The following ACADL variants were observed in gnomAD, a reference collection of about 807,000 sequenced individuals.
The protein encoded by ACADL is acyl-CoA dehydrogenase long chain, also known as long-chain specific acyl-CoA dehydrogenase, mitochondrial.
Under a neutral mutation model 56.9 loss-of-function variants are expected in ACADL, and 60 were observed. That is an observed-to-expected ratio of 1.05 (90% CI 0.86 to 1.31). ACADL has a LOEUF of 1.31. Among genes scored for constraint, ACADL ranks in the 50% most tolerant of loss-of-function variants. The pLI is 0.00. For synonymous variants in ACADL, 158 were observed against 179.7 expected (o/e 0.88, Z 0.97); for missense variants, 484 against 525.5 (o/e 0.92, Z 0.77).
chr2:210,225,282 G>C lies in ACADL; in HGVS notation c.-19C>G. ...CGGCCATGTCCGAAACACAGGGGCG[G>C]CGGGGCGACGGAGGCGACTCTGCGG... is the stretch of plus-strand genomic sequence containing the variant. On this transcript the variant is annotated 5_prime_UTR_variant, in exon 1 of 11. Coordinates refer to ENST00000233710, the MANE Select transcript of ACADL (RefSeq NM_001608.4). The C allele has an allele frequency of 6.5e-7, 1 of 1,548,024 alleles. No homozygotes were observed. Among genetic ancestry groups the C allele is most frequent in the Non-Finnish European group, 8.7e-7 (1 of 1,152,664 alleles).
At chr2:210,221,254 G>A (rs1211328394) in intron 1 of ACADL, among the ~76,000 whole-genome samples, 3 of 152,108 alleles carry the variant, frequency 2.0e-5, no homozygotes, top group East Asian at 1.9e-4. Flanking sequence ...CAAATTGCAG[G>A]TGTATAAGAT....
chr2:210,224,305 GA>G (rs2125720845), intron 1 of ACADL: 1 of 693,798 alleles, frequency 1.4e-6, no homozygotes, highest in East Asian at 1.4e-4. Context: ...GTATCCTAAA[GA>G]AAAGTCACCT....
At chr2:210,193,527 C>T (rs1363859001) in intron 9 of ACADL, among the ~76,000 whole-genome samples, 2 of 152,034 alleles carry the variant, frequency 1.3e-5, no homozygotes, top group Non-Finnish European at 2.9e-5. Context: ...CATAAACATG[C>T]AGTGCTTGAG....
rs1053862415 is a variant in ACADL at position 210,188,193 on chromosome 2, C to T, written c.*768G>A. ...AAAGTAATTATTAAGTTAATAAATA[C>T]ATTAACTGTTGCAAAAGAAAAGCCA... On this transcript the variant is annotated 3_prime_UTR_variant, in exon 11 of 11. Coordinates refer to ENST00000233710, the MANE Select transcript of ACADL (RefSeq NM_001608.4). 5 of 152,172 alleles carry T rather than the reference C, an allele frequency of 3.3e-5. No homozygotes were observed. Among genetic ancestry groups the T allele is most frequent in the African/African-American group, 1.2e-4 (5 of 41,438 alleles). 9.4% of individuals were successfully genotyped at this position (152,172 alleles called of 1,614,324 possible). A position where few individuals can be genotyped will look rare whatever the true frequency, so the allele number is the denominator to read the frequency against.
Position 210,188,304 on chromosome 2 carries a change from G to C in ACADL, c.*657C>G, listed in dbSNP as rs1030017396. On this transcript the variant is annotated 3_prime_UTR_variant, in exon 11 of 11. Transcript: ENST00000233710. ...TGTTCTCAGATGTCAGCAATTGACA[G>C]AACCAAGGCATTCCCTGGTCAGGGT... The C allele has an allele frequency of 2.0e-5, 3 of 152,354 alleles. No individual in the cohort carries two copies. Among genetic ancestry groups the C allele is most frequent in the African/African-American group, 7.2e-5 (3 of 41,470 alleles). The allele number at this position is 152,354 out of a possible 1,614,324, so 9.4% of individuals were successfully genotyped here. A position where few individuals can be genotyped will look rare whatever the true frequency, so the allele number is the denominator to read the frequency against.
Position 210,195,298 on chromosome 2 carries a change from CAT to C in ACADL, c.1023_1024del (p.Ile341MetfsTer15). On this transcript the variant is annotated frameshift_variant, in exon 9 of 11. Transcript: ENST00000233710. LOFTEE classifies it high-confidence loss of function. ...GTTGTCCACAAATGCTCGGGTTACA[CAT>C]ATATGTGTTTTTAATTCTGCTAATT... 1 of 1,613,586 alleles carries C rather than the reference CAT, an allele frequency of 6.2e-7. No homozygotes were observed. The highest frequency in any genetic ancestry group is 8.5e-7 in the Non-Finnish European group (1 of 1,179,620).
intron 10 of ACADL, 104 bp from the exon 11 acceptor site, chr2:210,189,158 A>T (rs1688593045): frequency 1.3e-6 from 1 of 765,156 alleles, no homozygotes; most frequent in Non-Finnish European, 2.3e-6. Flanking sequence ...AAGTACAAAC[A>T]ATAAAAGTCC....
At chr2:210,189,676 A>G (rs1688600940) in intron 10 of ACADL, among the ~76,000 whole-genome samples, 2 of 152,044 alleles carry the variant, frequency 1.3e-5, no homozygotes, top group South Asian at 4.1e-4. Context: ...AAAAAACCCA[A>G]ATATCATAAG....
At chr2:210,194,870 A>C (rs1688683146) in intron 9 of ACADL, among the ~76,000 whole-genome samples, 1 of 152,162 alleles carries the variant, frequency 6.6e-6, no homozygotes, top group East Asian at 1.9e-4. Flanking sequence ...AGATAATTTG[A>C]AATTAAACTA....
In ACADL at chr2:210,188,946, G is replaced by T. The variant is rs542568647; in HGVS notation, c.*15C>A. The T allele has an allele frequency of 1.9e-6, 3 of 1,580,952 alleles. No individual in the cohort carries two copies. The highest frequency in any genetic ancestry group is 2.6e-6 in the Non-Finnish European group (3 of 1,150,032). ...GAGATTAGCTGTAATAGGACTCCAG[G>T]ATGTGGGCAGATGTCTACTTGTCAA... is the stretch of plus-strand genomic sequence containing the variant. On this transcript the variant is annotated 3_prime_UTR_variant, in exon 11 of 11. Transcript: ENST00000233710.
intron 2 of ACADL, 29 bp from the exon 3 acceptor site, chr2:210,218,131 A>G: frequency 1.3e-6 from 2 of 1,576,950 alleles, no homozygotes; most frequent in Non-Finnish European, 8.6e-7. Flanking sequence ...TTAAATTCAG[A>G]TAATTTTTAA....
At chr2:210,192,752 T>C in intron 10 of ACADL, 52 bp downstream of exon 10, 1 of 1,388,360 alleles carries the variant, frequency 7.2e-7, no homozygotes, top group Non-Finnish European at 1.0e-6. Context: ...GTAAAGAAAT[T>C]TTCCTTTTTC....
intron 7 of ACADL, among the ~76,000 whole-genome samples, chr2:210,203,665 AT>A (rs777410137): frequency 6.6e-6 from 1 of 152,000 alleles, no homozygotes; most frequent in Admixed American, 6.6e-5. Flanking sequence ...GACTACCTTT[AT>A]TTTTTTATAA....
intron 4 of ACADL, among the ~76,000 whole-genome samples, chr2:210,215,086 C>T (rs1689063263): frequency 1.3e-5 from 2 of 152,288 alleles, no homozygotes; most frequent in South Asian, 4.1e-4. Flanking sequence ...TTCACTTACA[C>T]TTCTTTGGCA....
At chr2:210,202,764 G>C (rs263679) in intron 8 of ACADL, among the ~76,000 whole-genome samples, 88,905 of 151,672 alleles carry the variant, frequency 0.59, 26,182 homozygotes, top group Middle Eastern at 0.72. Context: ...TCCCCTCTTC[G>C]CTTACCACCC....
intron 1 of ACADL, 108 bp from the exon 2 acceptor site, chr2:210,220,910 G>A: frequency 2.1e-6 from 2 of 933,736 alleles, no homozygotes. Context: ...AACTTGAGAG[G>A]CAAGTAGAAA....
At chr2:210,193,050 T>C (rs1338837849) in intron 9 of ACADL, among the ~76,000 whole-genome samples, 160 bp from the exon 10 acceptor site, 1 of 152,234 alleles carries the variant, frequency 6.6e-6, no homozygotes, top group Admixed American at 6.5e-5. Context: ...AAAAATTACA[T>C]ATGAAATATA....
intron 5 of ACADL, among the ~76,000 whole-genome samples, chr2:210,209,198 T>G (rs1051822648): frequency 6.6e-6 from 1 of 152,232 alleles, no homozygotes; most frequent in African/African-American, 2.4e-5. Context: ...CCCAAACTTA[T>G]AAAAACTAAT....
chr2:210,217,903 T>C, intron 3 of ACADL, 62 bp downstream of exon 3: 2 of 1,582,388 alleles, frequency 1.3e-6, no homozygotes, highest in South Asian at 2.2e-5. Flanking sequence ...GTTTGGTCAT[T>C]TCAGAAAGGT....
Sources: allele counts gnomAD v4.1 joint callset (sites outside exome capture counted in the v4.1 genomes callset), GRCh38; gene constraint gnomAD v4.1.1; transcripts MANE v1.5; gene names NCBI Gene and HGNC (gene_info 2026-07-23, HGNC 2026-07-21).